PHLPP1: variants seen among roughly 807,000 people sequenced by gnomAD.
The protein encoded by PHLPP1 is PH domain and leucine rich repeat protein phosphatase 1.
In PHLPP1, 42 loss-of-function variants were observed where a neutral mutation model predicts 117.2. The observed-to-expected ratio is 0.36, with a 90% CI of 0.28 to 0.46. The LOEUF (loss-of-function observed/expected upper bound fraction) is 0.46, where lower values mean the gene tolerates loss of function less well. Among genes scored for constraint, PHLPP1 ranks in the 20% least tolerant of loss-of-function variants. The pLI, the probability that PHLPP1 is intolerant of heterozygous loss-of-function variation, is 1.00. For synonymous variants in PHLPP1, 1,042 were observed against 970.7 expected (o/e 1.07, Z -1.37); for missense variants, 2,084 against 2,241.9 (o/e 0.93, Z 1.42).
intron 1 of PHLPP1, among the ~76,000 whole-genome samples, chr18:62,756,021 TTAA>T (rs1912006141): frequency 7.0e-6 from 1 of 143,390 alleles, no homozygotes; most frequent in Non-Finnish European, 1.5e-5. Context: ...AGAACACAGA[TTAA>T]TGATTTTTTT....
chr18:62,736,618 G>T (rs995271678), intron 1 of PHLPP1, among the ~76,000 whole-genome samples: 3 of 152,180 alleles, frequency 2.0e-5, no homozygotes, highest in Non-Finnish European at 4.4e-5. Context: ...AGGAGTTGGC[G>T]ACATAATGAA....
intron 1 of PHLPP1, among the ~76,000 whole-genome samples, chr18:62,793,470 G>A (rs1043042864): frequency 7.2e-5 from 11 of 152,100 alleles, no homozygotes; most frequent in African/African-American, 2.7e-4. Context: ...TTTAGCGCTG[G>A]CCATTCCTGA....
chr18:62,752,499 T>C (rs1000454060), intron 1 of PHLPP1, among the ~76,000 whole-genome samples: 1 of 152,200 alleles, frequency 6.6e-6, no homozygotes, highest in Non-Finnish European at 1.5e-5. Context: ...TCTTTTCAAA[T>C]AGATATGCAG....
At chr18:62,794,757 A>G (rs1352518141) in intron 1 of PHLPP1, among the ~76,000 whole-genome samples, 1 of 152,190 alleles carries the variant, frequency 6.6e-6, no homozygotes, top group African/African-American at 2.4e-5. Context: ...GTATTTGTAG[A>G]TTTATTGTTG....
At chr18:62,755,491 G>C (rs573998730) in intron 1 of PHLPP1, among the ~76,000 whole-genome samples, 9 of 152,212 alleles carry the variant, frequency 5.9e-5, no homozygotes, top group African/African-American at 2.2e-4. Context: ...ACCTTTTTGG[G>C]GGTGATTAGG....
chr18:62,809,796 A>T (rs998064767), intron 1 of PHLPP1, among the ~76,000 whole-genome samples: 2 of 152,078 alleles, frequency 1.3e-5, no homozygotes, highest in East Asian at 1.9e-4. Context: ...TTTACCCTAG[A>T]TGCTGGTTAA....
At chr18:62,812,869 C>G (rs1357145756) in intron 1 of PHLPP1, among the ~76,000 whole-genome samples, 1 of 152,074 alleles carries the variant, frequency 6.6e-6, no homozygotes, top group Non-Finnish European at 1.5e-5. Context: ...GAAGCTAAAC[C>G]TACGGAACTG....
chr18:62,766,076 A>AAAAAAAAAAAAAAAAAT, intron 1 of PHLPP1, among the ~76,000 whole-genome samples: 1 of 21,648 alleles, frequency 4.6e-5, no homozygotes, highest in African/African-American at 1.5e-4. Context: ...AAAAAAAAAA[A>AAAAAAAAAAAAAAAAAT]ATATATATAT....
chr18:62,716,385 G>T lies in PHLPP1; in HGVS notation c.702G>T (p.Leu234=), dbSNP rs1329677677. ...CGGCCGGCGAGGTGGCCGCCCGCCT[G>T]CTGCAGCTGGGCCACAAAGGCGGCG... The part of the protein sequence containing the change: ...DTTAGEVAAR[L]LQLGHKGGGV... The change falls in exon 1 of 17, where the codon CTG becomes CTT. Residue 234 remains leucine, a synonymous_variant. Transcript: ENST00000262719. The surrounding 1 kb of genome is among the most constrained non-coding windows in gnomAD (Gnocchi z 5.7). 5 of 1,485,936 alleles carry T rather than the reference G, an allele frequency of 3.4e-6. No homozygotes were observed. The highest frequency in any genetic ancestry group is 4.5e-6 in the Non-Finnish European group (5 of 1,123,102). The allele number at this position is 1,485,936 out of a possible 1,614,324, so 92.0% of individuals were successfully genotyped here. A position where few individuals can be genotyped will look rare whatever the true frequency, so the allele number is the denominator to read the frequency against.
chr18:62,753,703 A>G (rs576673566), intron 1 of PHLPP1, among the ~76,000 whole-genome samples: 9 of 152,290 alleles, frequency 5.9e-5, no homozygotes, highest in Admixed American at 3.3e-4. Context: ...CTTCCTTTTC[A>G]GGATATAACA....
chr18:62,788,367 C>A (rs1218568075), intron 1 of PHLPP1, among the ~76,000 whole-genome samples: 2 of 152,140 alleles, frequency 1.3e-5, no homozygotes, highest in African/African-American at 4.8e-5. Context: ...CTAAGCAGGA[C>A]TTGCAGTGCA....
intron 1 of PHLPP1, among the ~76,000 whole-genome samples, chr18:62,758,155 C>T (rs1009976533): frequency 6.6e-6 from 1 of 152,128 alleles, no homozygotes; most frequent in African/African-American, 2.4e-5. Flanking sequence ...AAATCTTTTT[C>T]CCTATTCTAA....
chr18:62,863,686 G>C (rs1395177616), intron 4 of PHLPP1, among the ~76,000 whole-genome samples: 1 of 152,192 alleles, frequency 6.6e-6, no homozygotes, highest in Non-Finnish European at 1.5e-5. Flanking sequence ...GTGTCTCTTA[G>C]CATGCTAATG....
At chr18:62,813,047 T>G (rs1176201884) in intron 1 of PHLPP1, among the ~76,000 whole-genome samples, 2 of 152,166 alleles carry the variant, frequency 1.3e-5, no homozygotes, top group African/African-American at 4.8e-5. Context: ...ACAGGAAATG[T>G]GAGAAGTAAC....
In PHLPP1 at chr18:62,853,192, C is replaced by T. The variant is rs1305731708; in HGVS notation, c.1900-7243C>T. Among the ~76,000 whole-genome samples the T allele has an allele frequency of 2.6e-5, 4 of 152,036 alleles. No homozygotes were observed. In the East Asian group the frequency reaches 7.7e-4, roughly 29 times the overall value. On this transcript the variant is annotated intron_variant, in intron 3 of 16. Coordinates refer to ENST00000262719, the MANE Select transcript of PHLPP1 (RefSeq NM_194449.4). ...TGAGGACCAAATGAACCCTCCTTCC[C>T]TTATGTATATTTACAAGTCATTTGG...
chr18:62,863,294 G>A (rs1051986071), intron 4 of PHLPP1, among the ~76,000 whole-genome samples: 8 of 151,798 alleles, frequency 5.3e-5, no homozygotes, highest in East Asian at 1.9e-4. Flanking sequence ...TTCGCCTCCC[G>A]TGCTCAAGTG....
intron 3 of PHLPP1, among the ~76,000 whole-genome samples, chr18:62,848,042 C>T (rs1432645226): frequency 6.6e-6 from 1 of 152,222 alleles, no homozygotes. Flanking sequence ...CCTGGCAATT[C>T]CAACAATTCC....
chr18:62,896,816 C>T (rs997934683), intron 6 of PHLPP1, among the ~76,000 whole-genome samples: 2 of 152,130 alleles, frequency 1.3e-5, no homozygotes, highest in African/African-American at 4.8e-5. Context: ...GCCTAGGAAA[C>T]CTATACATTC....
intron 8 of PHLPP1, among the ~76,000 whole-genome samples, chr18:62,913,976 C>T (rs1281312918): frequency 1.3e-5 from 2 of 152,206 alleles, no homozygotes; most frequent in African/African-American, 4.8e-5. Flanking sequence ...AAACTCCTGA[C>T]CTCCGGTGAT....
Sources: allele counts gnomAD v4.1 joint callset (sites outside exome capture counted in the v4.1 genomes callset), GRCh38; gene constraint gnomAD v4.1.1; non-coding constraint Gnocchi (gnomAD v3.1); transcripts MANE v1.5; gene names NCBI Gene and HGNC (gene_info 2026-07-23, HGNC 2026-07-21).